Variants in STOML2 observed in about 807,000 individuals in gnomAD.
STOML2 encodes stomatin-like protein 2, mitochondrial.
STOML2 carries 22 observed loss-of-function variants against 45.7 expected under a neutral mutation model. The ratio of observed to expected loss-of-function variants is 0.48; its 90% confidence interval spans 0.34 to 0.69. The LOEUF (loss-of-function observed/expected upper bound fraction) is 0.69, where lower values mean the gene tolerates loss of function less well. STOML2 is among the 30% of genes least tolerant of loss of function. The pLI is 0.01. For missense variants in STOML2, 359 were observed against 466.9 expected (o/e 0.77, Z 2.13); for synonymous variants, 181 against 182.7 (o/e 0.99, Z 0.08).
Position 35,103,087 on chromosome 9 carries a change from G to T in STOML2, c.8C>A (p.Ala3Glu), listed in dbSNP as rs752036887. 9 of 1,613,532 alleles carry T rather than the reference G, an allele frequency of 5.6e-6. No individual in the cohort carries two copies. Among genetic ancestry groups the T allele is most frequent in the Non-Finnish European group, 6.8e-6 (8 of 1,179,944 alleles). Residue 3 changes from alanine (A) to glutamate (E), a missense_variant, in exon 1 of 10, where the codon GCG (alanine) becomes GAG (glutamate). Transcript: ENST00000356493. ...GGCCCCAGTGCCCCGCGCCGCGCGC[G>T]CCAGCATTTCCCACCGCCGCAGCGA... MLARAARGTGALL... is the reference protein window; with the variant it reads MLERAARGTGALL...
Position 35,100,007 on chromosome 9 carries a change from C to G in STOML2, c.*28G>C. ...ATCAGGAAAATCTGCTTCCTTGTTC[C>G]CAGACTCCCTGGCCAAGCCCAGCTC... On this transcript the variant is annotated 3_prime_UTR_variant, in exon 10 of 10. Coordinates refer to ENST00000356493, the MANE Select transcript of STOML2 (RefSeq NM_013442.3). 6.2e-7 allele frequency: 1 copy of G among 1,603,816 alleles called. No individual in the cohort carries two copies. The highest frequency in any genetic ancestry group is 1.3e-5 in the African/African-American group (1 of 74,864).
intron 8 of STOML2, 69 bp from the exon 9 acceptor site, chr9:35,100,795 G>C: frequency 6.2e-7 from 1 of 1,613,106 alleles, no homozygotes; most frequent in Non-Finnish European, 8.5e-7. Flanking sequence ...GGGGAATGAA[G>C]AAAGCAGTTC....
At chr9:35,100,889 C>T in intron 8 of STOML2, 43 bp downstream of exon 8, 1 of 1,613,814 alleles carries the variant, frequency 6.2e-7, no homozygotes, top group Non-Finnish European at 8.5e-7. Context: ...GAACCCCTTC[C>T]ACTGTCAATT....
In STOML2 at chr9:35,102,512, T is replaced by C. The variant is rs1829841922; in HGVS notation, c.183+174A>G. On this transcript the variant is annotated intron_variant, in intron 2 of 9. Coordinates refer to ENST00000356493, the MANE Select transcript of STOML2 (RefSeq NM_013442.3). The surrounding 1 kb of genome is among the most constrained non-coding windows in gnomAD (Gnocchi z 4.8). The stretch of plus-strand genomic sequence containing the variant: ...CCAAGAATGGGGCCTGTGAGATGCA[T>C]AGGAAAAGGTGGTAACATGGGGATG... 2 of 1,078,616 alleles carry C rather than the reference T, an allele frequency of 1.9e-6. No individual in the cohort carries two copies. The highest frequency in any genetic ancestry group is 2.7e-6 in the Non-Finnish European group (2 of 750,796). 66.8% of individuals were successfully genotyped at this position (1,078,616 alleles called of 1,614,324 possible). A position where few individuals can be genotyped will look rare whatever the true frequency, so the allele number is the denominator to read the frequency against.
At position 35,100,551 on chromosome 9, in the gene STOML2, G is replaced by A. The variant is rs372329647; in HGVS notation, c.933+47C>T. The A allele has an allele frequency of 1.0e-5, 16 of 1,576,842 alleles. No homozygotes were observed. The African/African-American group carries it at 2.2e-4, about 22-fold the overall frequency. On this transcript the variant is annotated intron_variant, in intron 9 of 9. Transcript: ENST00000356493. ...GATGACGGTGGTGGGGTCTCAGTTT[G>A]GTCCCTGGCACCAGTGCTCTATGCT...
At position 35,102,317 on chromosome 9, in the gene STOML2, A is replaced by G. The variant is rs1392459636; in HGVS notation, c.184-123T>C. 1.2e-6 allele frequency: 1 copy of G among 810,698 alleles called. No homozygotes were observed. The allele number at this position is 810,698 out of a possible 1,614,324, so 50.2% of individuals were successfully genotyped here. A position where few individuals can be genotyped will look rare whatever the true frequency, so the allele number is the denominator to read the frequency against. On this transcript the variant is annotated intron_variant, in intron 2 of 9. Transcript: ENST00000356493. This position sits in a 1 kb window ranked among gnomAD's most constrained non-coding sequence, Gnocchi z 4.8. ...GCCCAGAAAAGCAGCAGCTCCTACC[A>G]AGAAATAAGTCCTCAGAAGGCTGAG...
rs1377638110 is a variant in STOML2 at position 35,101,484 on chromosome 9, C to T, written c.521G>A (p.Arg174His). Reference sequence around the variant, plus strand: ...CACATGGATATCCTTGATCTCATAACGGAGGCAGCGGATACCCCAGCAGTC... The same window carrying T: ...CACATGGATATCCTTGATCTCATAATGGAGGCAGCGGATACCCCAGCAGTC... ...AADCWGIRCL[R>H]YEIKDIHVPP... The change falls in exon 6 of 10, where the codon CGT becomes CAT. Residue 174 changes from arginine to histidine, a missense_variant. Arg to His is a conservative substitution (Grantham distance 29). Transcript: ENST00000356493. This position sits in a 1 kb window ranked among gnomAD's most constrained non-coding sequence, Gnocchi z 4.3. The T allele has an allele frequency of 8.1e-6, 13 of 1,613,980 alleles. No individual in the cohort carries two copies. The highest frequency in any genetic ancestry group is 5.0e-5 in the Admixed American group (3 of 59,992).
In STOML2 at chr9:35,101,426, C is replaced by A; in HGVS notation, c.579G>T (p.Gln193His). 6.2e-7 allele frequency: 1 copy of A among 1,614,158 alleles called. No individual in the cohort carries two copies. The highest frequency in any genetic ancestry group is 8.5e-7 in the Non-Finnish European group (1 of 1,180,030). The change falls in exon 6 of 10, where the codon CAG (glutamine) becomes CAT (histidine). Residue 193 changes from glutamine (Q) to histidine (H), a missense_variant and splice_region_variant. Gln to His is a conservative substitution (Grantham distance 24). Transcript: ENST00000356493. This position sits in a 1 kb window ranked among gnomAD's most constrained non-coding sequence, Gnocchi z 4.3. ...PPRVKESMQMQVEAERRKRAT... is the reference protein window; with the variant it reads ...PPRVKESMQMHVEAERRKRAT... ...TTTCCCACCCCTCCTTGGCCCCCAC[C>A]TGCATCTGCATAGACTCTTTCACCC... is the stretch of plus-strand genomic sequence containing the variant.
Position 35,101,927 on chromosome 9 carries a change from G to A in STOML2, c.319C>T (p.Leu107=). The part of the protein sequence containing the change: ...VTLQIDGVLY[L]RIMDPYKASY... ...ACCTTGTAAGGGTCCATGATGCGCA[G>A]GTAAAGGACTCCATCGATTTGCAGA... The change falls in exon 4 of 10, where the codon CTG becomes TTG. Residue 107 remains leucine, a synonymous_variant. Transcript: ENST00000356493. This position sits in a 1 kb window ranked among gnomAD's most constrained non-coding sequence, Gnocchi z 4.3. 6.2e-7 allele frequency: 1 copy of A among 1,614,162 alleles called. No homozygotes were observed. The highest frequency in any genetic ancestry group is 8.5e-7 in the Non-Finnish European group (1 of 1,180,028).
Position 35,101,598 on chromosome 9 carries a change from C to T in STOML2, c.445-38G>A, listed in dbSNP as rs751807436. 4 of 1,613,996 alleles carry T rather than the reference C, an allele frequency of 2.5e-6. No individual in the cohort carries two copies. In the East Asian group the frequency reaches 6.7e-5, roughly 27 times the overall value. ...GTGTAAGCCCCACAGCCTCAACCTA[C>T]CTATCAAGGGCCTACACTGAGAAGG... On this transcript the variant is annotated intron_variant, in intron 5 of 9. Coordinates refer to ENST00000356493, the MANE Select transcript of STOML2 (RefSeq NM_013442.3). The surrounding 1 kb of genome is among the most constrained non-coding windows in gnomAD (Gnocchi z 4.3).
intron 8 of STOML2, 43 bp from the exon 9 acceptor site, chr9:35,100,769 A>T (rs1023672063): frequency 3.1e-6 from 5 of 1,613,716 alleles, no homozygotes; most frequent in Admixed American, 3.3e-5. Context: ...ACCGATACGG[A>T]GAAGAAGGGG....
rs1829811792 is a variant in STOML2, at chr9:35,101,335, C to A, written c.580-56G>T. ...GCCAAGGGAGACTGATACAGACATG[C>A]AACTCTACCCATCATAACAGGAGGG... On this transcript the variant is annotated intron_variant, in intron 6 of 9. Transcript: ENST00000356493. This position sits in a 1 kb window ranked among gnomAD's most constrained non-coding sequence, Gnocchi z 4.3. 6.2e-7 allele frequency: 1 copy of A among 1,613,084 alleles called. No homozygotes were observed. The highest frequency in any genetic ancestry group is 1.3e-5 in the African/African-American group (1 of 74,886).
In STOML2 at chr9:35,100,988, T is replaced by A. The variant is rs772575616; in HGVS notation, c.748A>T (p.Lys250Ter). Residue 250 changes from lysine to a stop codon, truncating the protein, a stop_gained, in exon 8 of 10, where the codon AAG (lysine) becomes TAG (stop). Coordinates refer to ENST00000356493, the MANE Select transcript of STOML2 (RefSeq NM_013442.3). LOFTEE classifies it high-confidence loss of function. Reference sequence around the variant, plus strand: ...ATAGCTTCAGCTTTAGCCTTGGCCTTCGCCAGAACTGCACTGGCCTCTCCT... The same window carrying A: ...ATAGCTTCAGCTTTAGCCTTGGCCTACGCCAGAACTGCACTGGCCTCTCCT... ...AAGEASAVLAKAKAKAEAIRI... is the reference protein window; with the variant it reads ...AAGEASAVLA 6.2e-7 allele frequency: 1 copy of A among 1,614,214 alleles called. No individual in the cohort carries two copies. The highest frequency in any genetic ancestry group is 1.1e-5 in the South Asian group (1 of 91,088).
At chr9:35,100,264 G>T in intron 9 of STOML2, 92 bp from the exon 10 acceptor site, 1 of 1,521,572 alleles carries the variant, frequency 6.6e-7, no homozygotes, top group South Asian at 1.2e-5. Flanking sequence ...ATGGCATGGG[G>T]GCCAGTAAGT....
Position 35,102,167 on chromosome 9 carries a change from C to T in STOML2, c.211G>A (p.Asp71Asn), listed in dbSNP as rs1295721462. The part of the protein sequence containing the change: ...PGLNILIPVL[D>N]RIRYVQSLKE... ...AGACTCTGCACATATCGGATCCGGT[C>T]TAACACAGGGATGAGGATGTTCAAA... is the stretch of plus-strand genomic sequence containing the variant. The change falls in exon 3 of 10, where the codon GAC becomes AAC. Residue 71 changes from aspartate to asparagine, a missense_variant. Asp to Asn is a conservative substitution (Grantham distance 23). This residue lies in a region of STOML2 where 285 missense variants were observed against 422.0 expected (regional missense o/e 0.68). Coordinates refer to ENST00000356493, the MANE Select transcript of STOML2 (RefSeq NM_013442.3). The surrounding 1 kb of genome is among the most constrained non-coding windows in gnomAD (Gnocchi z 4.8). 2 of 1,613,886 alleles carry T rather than the reference C, an allele frequency of 1.2e-6. No individual in the cohort carries two copies. Among genetic ancestry groups the T allele is most frequent in the Non-Finnish European group, 1.7e-6 (2 of 1,179,984 alleles).
Position 35,100,065 on chromosome 9 carries a change from A to T in STOML2, c.1041T>A (p.Asp347Glu). 7 of 1,614,192 alleles carry T rather than the reference A, an allele frequency of 4.3e-6. No homozygotes were observed. Among genetic ancestry groups the T allele is most frequent in the Non-Finnish European group, 5.9e-6 (7 of 1,180,026 alleles). The part of the protein sequence containing the change: ...RDVQGTDASL[D>E]EELDRVKMS Reference sequence around the variant, plus strand: ...TCATCTTGACTCGATCAAGTTCCTCATCAAGACTTGCATCTGTACCCTGGA... The same window carrying T: ...TCATCTTGACTCGATCAAGTTCCTCTTCAAGACTTGCATCTGTACCCTGGA... Residue 347 changes from aspartate (D) to glutamate (E), a missense_variant, in exon 10 of 10, where the codon GAT becomes GAA. By Grantham distance (45) the Asp-to-Glu change is conservative. Around this residue, in one of 2 missense-constraint regions of STOML2, gnomAD observed 285 missense variants for 422.0 expected, o/e 0.68. Transcript: ENST00000356493.
chr9:35,101,892 G>C lies in STOML2; in HGVS notation c.342+12C>G. The stretch of plus-strand genomic sequence containing the variant: ...GCAACTCAAAAGGCTGGATAAAGTA[G>C]GGGACAGGTACCTTGTAAGGGTCCA... On this transcript the variant is annotated intron_variant, in intron 4 of 9. Transcript: ENST00000356493. This position sits in a 1 kb window ranked among gnomAD's most constrained non-coding sequence, Gnocchi z 4.3. The C allele has an allele frequency of 6.2e-7, 1 of 1,614,160 alleles. No individual in the cohort carries two copies. Among genetic ancestry groups the C allele is most frequent in the Non-Finnish European group, 8.5e-7 (1 of 1,180,004 alleles).
chr9:35,101,634 G>A lies in STOML2; in HGVS notation c.445-74C>T. On this transcript the variant is annotated intron_variant, in intron 5 of 9. Coordinates refer to ENST00000356493, the MANE Select transcript of STOML2 (RefSeq NM_013442.3). This position sits in a 1 kb window ranked among gnomAD's most constrained non-coding sequence, Gnocchi z 4.3. ...CCTACACTGAGAAGGGCCTGGGACTGATCTTGACCTTCAGAAAAGATTAAG... is the reference window on the plus strand; with the variant it reads ...CCTACACTGAGAAGGGCCTGGGACTAATCTTGACCTTCAGAAAAGATTAAG... The A allele has an allele frequency of 6.2e-7, 1 of 1,613,598 alleles. No homozygotes were observed. Among genetic ancestry groups the A allele is most frequent in the Non-Finnish European group, 8.5e-7 (1 of 1,179,688 alleles).
Position 35,101,634 on chromosome 9 carries a change from G to C in STOML2, c.445-74C>G. The C allele has an allele frequency of 6.2e-7, 1 of 1,613,598 alleles. No homozygotes were observed. The highest frequency in any genetic ancestry group is 8.5e-7 in the Non-Finnish European group (1 of 1,179,688). On this transcript the variant is annotated intron_variant, in intron 5 of 9. Coordinates refer to ENST00000356493, the MANE Select transcript of STOML2 (RefSeq NM_013442.3). This position sits in a 1 kb window ranked among gnomAD's most constrained non-coding sequence, Gnocchi z 4.3. ...CCTACACTGAGAAGGGCCTGGGACT[G>C]ATCTTGACCTTCAGAAAAGATTAAG... is the stretch of plus-strand genomic sequence containing the variant.
Sources: gnomAD v4.1 joint callset for allele counts on GRCh38, gnomAD v4.1.1 for gene constraint, gnomAD v4.1.1 regional missense constraint, Gnocchi (gnomAD v3.1) non-coding constraint, MANE v1.5 for transcripts, NCBI Gene and HGNC (gene_info 2026-07-23, HGNC 2026-07-21) for gene names.